The following PAH variants were observed in gnomAD, a reference collection of about 807,000 sequenced individuals.
The protein encoded by PAH is phenylalanine-4-hydroxylase.
A neutral mutation model predicts 62.0 loss-of-function variants in PAH; 64 were observed. That is an observed-to-expected ratio of 1.03 (90% confidence interval 0.84 to 1.27). The LOEUF is 1.27. Ranked by LOEUF, PAH falls within the 50% of genes most tolerant of loss-of-function variation. PAH has a pLI of 0.00. For synonymous variants in PAH, 195 were observed against 196.2 expected, an observed-to-expected ratio of 0.99 and a Z score of 0.05; for missense variants, 579 against 542.8, an observed-to-expected ratio of 1.07 and a Z score of -0.66.
intron 2 of PAH, among the ~76,000 whole-genome samples, chr12:102,906,533 A>G (rs1877983622): frequency 6.6e-6 from 1 of 152,226 alleles, no homozygotes; most frequent in African/African-American, 2.4e-5. Flanking sequence ...AAAAGTTATG[A>G]ACCTGATCTA....
chr12:102,871,939 AAAAAAAAAAAATATATAT>A (rs1299597743), intron 4 of PAH, among the ~76,000 whole-genome samples: 7 of 15,916 alleles, frequency 4.4e-4, no homozygotes, highest in South Asian at 4.9e-3. Flanking sequence ...AAAAAAAAAA[AAAAAAAAAAAATATATAT>A]ATATATATAT....
chr12:102,946,930 A>C (rs1879519475), intron 1 of PAH: 1 of 152,192 alleles, frequency 6.6e-6, no homozygotes, highest in African/African-American at 2.4e-5. Flanking sequence ...GCTGTAATAT[A>C]AAGTTCCATT....
intron 3 of PAH, among the ~76,000 whole-genome samples, chr12:102,879,605 TG>T (rs3062683): frequency 0.27 from 36,921 of 139,216 alleles, 5,114 homozygotes; most frequent in East Asian, 0.7. Context: ...ATTTTACCTG[TG>T]GGGGGGGGGT....
In PAH at chr12:102,853,097, C is replaced by G. The variant is rs3828474; in HGVS notation, c.707-147G>C. 777 of 811,100 alleles carry G rather than the reference C, an allele frequency of 9.6e-4. 10 individuals are homozygous for G. The East Asian group carries it at 0.02, about 20-fold the overall frequency. 50.2% of individuals were successfully genotyped at this position (811,100 alleles called of 1,614,324 possible). A position where few individuals can be genotyped will look rare whatever the true frequency, so the allele number is the denominator to read the frequency against. Reference sequence around the variant, plus strand: ...CAGACTTGGCTTCAGATGTCTGCCTCGCTGCTTTCTAGCTAGGTGATCTGG... The same window carrying G: ...CAGACTTGGCTTCAGATGTCTGCCTGGCTGCTTTCTAGCTAGGTGATCTGG... On this transcript the variant is annotated intron_variant, in intron 6 of 12. Transcript: ENST00000553106.
upstream of PAH, among the ~76,000 whole-genome samples, chr12:102,919,585 C>T (rs546466085): frequency 6.6e-5 from 10 of 152,192 alleles, no homozygotes; most frequent in African/African-American, 2.4e-4. Context: ...CTCCACCTCC[C>T]CTCCAGGCCC....
rs113190378 is a variant in PAH at position 102,912,524 on chromosome 12, T to A, written c.168+267A>T. Among the ~76,000 whole-genome samples, 1,986 of 152,248 alleles carry A rather than the reference T, an allele frequency of 0.013. 28 individuals carry two copies. Among genetic ancestry groups the A allele is most frequent in the Middle Eastern group, 0.027 (8 of 294 alleles). ...GCCTAATCACACATATGATTAGGCA[T>A]TTTACAAAACACATTATTTCATCAC... On this transcript the variant is annotated intron_variant, in intron 2 of 12. Transcript: ENST00000553106.
At chr12:102,919,142 A>G (rs1878493207), upstream of PAH, among the ~76,000 whole-genome samples, 1 of 152,182 alleles carries the variant, frequency 6.6e-6, no homozygotes, top group Non-Finnish European at 1.5e-5. Context: ...AAATGGCCCA[A>G]ATTCAATCTA....
At chr12:102,933,896 G>T (rs1256172187) in intron 1 of PAH, among the ~76,000 whole-genome samples, 2 of 152,134 alleles carry the variant, frequency 1.3e-5, no homozygotes, top group African/African-American at 4.8e-5. Context: ...TCTGTGGGTT[G>T]TCTCTTCACT....
chr12:102,895,311 C>T (rs1355808669), intron 2 of PAH, among the ~76,000 whole-genome samples: 3 of 152,116 alleles, frequency 2.0e-5, no homozygotes, highest in African/African-American at 7.2e-5. Flanking sequence ...AATATAGAAG[C>T]AACATTGTTC....
In PAH at chr12:102,855,145, A is replaced by G; in HGVS notation, c.697T>C (p.Phe233Leu). 1 of 1,613,896 alleles carries G rather than the reference A, an allele frequency of 6.2e-7. No individual in the cohort carries two copies. The highest frequency in any genetic ancestry group is 8.5e-7 in the Non-Finnish European group (1 of 1,179,746). ...NIPQLEDVSQ[F>L]LQTCTGFRLR... Reference sequence around the variant, plus strand: ...CCTGATGTGGACTTACTCTGCAGGAACTGAGAAACGTCTTCCAGCTGGGGA... The same window carrying G: ...CCTGATGTGGACTTACTCTGCAGGAGCTGAGAAACGTCTTCCAGCTGGGGA... The change falls in exon 6 of 13, where the codon TTC becomes CTC. Residue 233 changes from phenylalanine to leucine, a missense_variant. Coordinates refer to ENST00000553106, the MANE Select transcript of PAH (RefSeq NM_000277.3).
upstream of PAH, among the ~76,000 whole-genome samples, chr12:102,918,572 T>TTTTTTTTTG (rs1393702864): frequency 4.8e-5 from 7 of 146,662 alleles, no homozygotes; most frequent in Non-Finnish European, 1.0e-4. Context: ...TTTTTTTTGT[T>TTTTTTTTTG]TTTTTTTTTT....
Position 102,838,363 on chromosome 12 carries a change from T to G in PAH, c.*812A>C, listed in dbSNP as rs1874450009. On this transcript the variant is annotated 3_prime_UTR_variant, in exon 13 of 13. Transcript: ENST00000553106. ...GTTTTATTACTAATACAAATAAAAATTTCACATTTATACAGATTTGCTTTT... is the reference window on the plus strand; with the variant it reads ...GTTTTATTACTAATACAAATAAAAAGTTCACATTTATACAGATTTGCTTTT... 1 of 152,218 alleles carries G rather than the reference T, an allele frequency of 6.6e-6. No homozygotes were observed. The highest frequency in any genetic ancestry group is 1.5e-5 in the Non-Finnish European group (1 of 68,036). 9.4% of individuals were successfully genotyped at this position (152,218 alleles called of 1,614,324 possible).
At chr12:102,916,957 G>A in intron 1 of PAH, 114 bp downstream of exon 1, 3 of 950,666 alleles carry the variant, frequency 3.2e-6, no homozygotes, top group Non-Finnish European at 5.2e-6. Flanking sequence ...AGCTTCCAAC[G>A]AATTCAGACT....
intron 9 of PAH, among the ~76,000 whole-genome samples, chr12:102,845,611 A>G (rs765068932): frequency 1.3e-5 from 2 of 152,214 alleles, no homozygotes; most frequent in Non-Finnish European, 2.9e-5. Flanking sequence ...CCCAGAGCTC[A>G]GTTAGCTGCT....
intron 2 of PAH, among the ~76,000 whole-genome samples, chr12:102,897,805 CA>C (rs1412274632): frequency 3.9e-5 from 6 of 152,070 alleles, no homozygotes; most frequent in Non-Finnish European, 8.8e-5. Flanking sequence ...ATAAGAAGCA[CA>C]AGGTGGGTTG....
upstream of PAH, among the ~76,000 whole-genome samples, chr12:102,917,879 C>A (rs1878449589): frequency 6.6e-6 from 1 of 152,188 alleles, no homozygotes. Flanking sequence ...TAAAGAAATG[C>A]ATTAAAATTT....
rs1879941856 is a variant in PAH, at chr12:102,957,170, C to T, written c.-96+1025G>A. 6.6e-6 allele frequency among the ~76,000 whole-genome samples: 1 copy of T among 152,166 alleles called. No individual in the cohort carries two copies. Among genetic ancestry groups the T allele is most frequent in the Admixed American group, 6.5e-5 (1 of 15,276 alleles). ...GAGAGAGAAAACAGGAAAAGTCGAG[C>T]CCCACTCCCTCCTCACCTCCACACC... On this transcript the variant is annotated intron_variant, in intron 1 of 4. Coordinates refer to the PAH transcript ENST00000551337. The surrounding 1 kb of genome is among the most constrained non-coding windows in gnomAD (Gnocchi z 4.1).
chr12:102,866,359 C>G (rs556272335), intron 5 of PAH, among the ~76,000 whole-genome samples: 1 of 152,116 alleles, frequency 6.6e-6, no homozygotes, highest in African/African-American at 2.4e-5. Flanking sequence ...GCAGGGCCCC[C>G]GCACAGTGGG....
intron 1 of PAH, among the ~76,000 whole-genome samples, chr12:102,935,319 G>A (rs2136754588): frequency 6.6e-6 from 1 of 152,112 alleles, no homozygotes; most frequent in Middle Eastern, 3.4e-3. Context: ...AAGGATTTTT[G>A]CATCAATGTT....
Sources: gnomAD v4.1 joint callset for allele counts (sites outside exome capture counted in the v4.1 genomes callset) on GRCh38, gnomAD v4.1.1 for gene constraint, Gnocchi (gnomAD v3.1) non-coding constraint, MANE v1.5 for transcripts, NCBI Gene and HGNC (gene_info 2026-07-23, HGNC 2026-07-21) for gene names.